The following GPR101 variants were observed in gnomAD, a reference collection of about 807,000 sequenced individuals.
The protein encoded by GPR101 is probable G protein-coupled receptor 101.
A neutral mutation model predicts 16.4 loss-of-function variants in GPR101; 8 were observed. The ratio of observed to expected loss-of-function variants is 0.49; its 90% CI spans 0.29 to 0.88. The LOEUF is 0.88. GPR101 is among the 40% of genes least tolerant of loss of function. The pLI is 0.09. For missense variants in GPR101, 375 were observed against 411.7 expected, an observed-to-expected ratio of 0.91 and a Z score of 0.77; for synonymous variants, 155 against 168.7, an observed-to-expected ratio of 0.92 and a Z score of 0.63.
rs766150309 is a variant in GPR101, at chrX:137,030,636, C to T, written c.1039G>A (p.Asp347Asn). Residue 347 changes from aspartate (D) to asparagine (N), a missense_variant, in exon 2 of 2, where the codon GAC becomes AAC. Asp to Asn is a conservative substitution (Grantham distance 23, BLOSUM62 1). Coordinates refer to ENST00000651716, the MANE Select transcript of GPR101 (RefSeq NM_054021.2). ...GRTEVNQCSIDLGEDDMEFGE... is the reference protein window; with the variant it reads ...GRTEVNQCSINLGEDDMEFGE... ...AACTCCATGTCATCTTCACCCAAGT[C>T]AATGCTGCACTGGTTGACCTCTGTG... The T allele has an allele frequency of 8.3e-7, 1 of 1,209,546 alleles. No individual in the cohort carries two copies. The highest frequency in any genetic ancestry group is 2.2e-5 in the Admixed American group (1 of 45,772).
rs1927179037 is a variant in GPR101, at chrX:137,027,105, A to G, written c.*3043T>C. On this transcript the variant is annotated 3_prime_UTR_variant, in exon 2 of 2. Transcript: ENST00000651716. ...GAGAAGTGGGACCCTAGCATCACAG[A>G]AGTCACAGAAGCCCAGGGCTTGCTC... 9.3e-6 allele frequency among the ~76,000 whole-genome samples: 1 copy of G among 107,513 alleles called. No homozygotes were observed. The highest frequency in any genetic ancestry group is 1.0e-4 in the Admixed American group (1 of 9,725). The allele number at this position is 107,513 out of a possible 115,157, so 93.4% of individuals were successfully genotyped here.
In GPR101 at chrX:137,031,465, G is replaced by A. The variant is rs1214213122; in HGVS notation, c.210C>T (p.Ile70=). Residue 70 remains isoleucine, a synonymous_variant, in exon 2 of 2, where the codon ATC becomes ATT. Coordinates refer to ENST00000651716, the MANE Select transcript of GPR101 (RefSeq NM_054021.2). ...GCAGGTCGGTGACGAGGAGGTTAAA[G>A]ATAAAACGGTTGGTCACCTGCAGCA... ...PQLLQVTNRF[I]FNLLVTDLLQ... 8.4e-7 allele frequency: 1 copy of A among 1,197,586 alleles called. No individual in the cohort carries two copies. The highest frequency in any genetic ancestry group is 3.0e-5 in the East Asian group (1 of 33,748).
chrX:137,032,308 T>C (rs757432950), intron 1 of GPR101, among the ~76,000 whole-genome samples: 1 of 111,316 alleles, frequency 9.0e-6, no homozygotes, highest in Admixed American at 9.5e-5. Context: ...ACTCTGTTTG[T>C]CACTCAGTCT....
In GPR101 at chrX:137,032,535, T is replaced by C. The variant is rs779175483; in HGVS notation, c.-92-769A>G. Among the ~76,000 whole-genome samples, 367 of 110,451 alleles carry C rather than the reference T, an allele frequency of 3.3e-3. 4 individuals are homozygous for C. The highest frequency in any genetic ancestry group is 6.2e-3 in the Admixed American group (65 of 10,436). ...CTCTCCATTTCTCTCTCAGTCTATT[T>C]CCCCAGCAGTTCATCTTTGTGGGTC... On this transcript the variant is annotated intron_variant, in intron 1 of 1. Transcript: ENST00000651716.
In GPR101 at chrX:137,030,839, G is replaced by T. The variant is rs189309457; in HGVS notation, c.836C>A (p.Ala279Asp). 9.9e-6 allele frequency: 12 copies of T among 1,209,430 alleles called. No homozygotes were observed. The African/African-American group carries it at 1.9e-4, about 19-fold the overall frequency. ...CTTGGCCTTCAGGCTGCCGTCCTTG[G>T]CTTCCATTCTGCCCTCCTTGGCCTT... ...EVKAKEGRME[A>D]KDGSLKAKEG... Residue 279 changes from alanine to aspartate, a missense_variant, in exon 2 of 2, where the codon GCC (alanine) becomes GAC (aspartate). Ala to Asp is a moderately radical substitution (Grantham distance 126, BLOSUM62 -2). Coordinates refer to ENST00000651716, the MANE Select transcript of GPR101 (RefSeq NM_054021.2).
In GPR101 at chrX:137,030,622, A is replaced by C. The variant is rs1272925892; in HGVS notation, c.1053T>G (p.Asp351Glu). The change falls in exon 2 of 2, where the codon GAT becomes GAG. Residue 351 changes from aspartate (D) to glutamate (E), a missense_variant. Coordinates refer to ENST00000651716, the MANE Select transcript of GPR101 (RefSeq NM_054021.2). Reference sequence around the variant, plus strand: ...TGTCGTCTTCACCAAACTCCATGTCATCTTCACCCAAGTCAATGCTGCACT... The same window carrying C: ...TGTCGTCTTCACCAAACTCCATGTCCTCTTCACCCAAGTCAATGCTGCACT... ...VNQCSIDLGE[D>E]DMEFGEDDIN... The C allele has an allele frequency of 8.3e-7, 1 of 1,211,304 alleles. No individual in the cohort carries two copies. The highest frequency in any genetic ancestry group is 1.8e-5 in the South Asian group (1 of 56,934).
At chrX:137,033,629 C>A (rs886281684) in intron 1 of GPR101, among the ~76,000 whole-genome samples, 173 bp downstream of exon 1, 2 of 111,743 alleles carry the variant, frequency 1.8e-5, no homozygotes, top group African/African-American at 6.5e-5. Flanking sequence ...AGAGAAAACG[C>A]GAGGGCGGGA....
chrX:137,024,925 T>TACTTG lies in GPR101; in HGVS notation c.*5222_*5223insCAAGT, dbSNP rs1927148172. On this transcript the variant is annotated 3_prime_UTR_variant, in exon 2 of 2. Transcript: ENST00000651716. ...TGGACTCTACTTGCCTATCCTGGAG[T>TACTTG]CCTTCCTTTTTAATGGAGAAGGATG... Among the ~76,000 whole-genome samples the TACTTG allele has an allele frequency of 9.0e-6, 1 of 111,666 alleles. No individual in the cohort carries two copies. The highest frequency in any genetic ancestry group is 1.9e-5 in the Non-Finnish European group (1 of 53,145).
At position 137,024,181 on chromosome X, in the gene GPR101, A is replaced by G. The variant is rs144261137; in HGVS notation, c.*5967T>C. Among the ~76,000 whole-genome samples, 1 of 112,570 alleles carries G rather than the reference A, an allele frequency of 8.9e-6. No individual in the cohort carries two copies. The highest frequency in any genetic ancestry group is 2.8e-4 in the East Asian group (1 of 3,576). On this transcript the variant is annotated 3_prime_UTR_variant, in exon 2 of 2. Coordinates refer to ENST00000651716, the MANE Select transcript of GPR101 (RefSeq NM_054021.2). ...ATGTGAAACCTTGGCCTTGGGCAGA[A>G]TCTCTGGGACTGCTGGCCCATGTAA...
Position 137,029,179 on chromosome X carries a change from C to A in GPR101, c.*969G>T, listed in dbSNP as rs1396054743. Among the ~76,000 whole-genome samples, 1 of 112,329 alleles carries A rather than the reference C, an allele frequency of 8.9e-6. No individual in the cohort carries two copies. The highest frequency in any genetic ancestry group is 1.9e-5 in the Non-Finnish European group (1 of 53,271). On this transcript the variant is annotated 3_prime_UTR_variant, in exon 2 of 2. Coordinates refer to ENST00000651716, the MANE Select transcript of GPR101 (RefSeq NM_054021.2). The stretch of plus-strand genomic sequence containing the variant: ...ACTTAGGCCACTTCTAGTTGAATTT[C>A]TTTTTTTCTGTAAATACTGTTTGAC...
rs1441635108 is a variant in GPR101, at chrX:137,029,517, T to A, written c.*631A>T. Among the ~76,000 whole-genome samples, 1 of 112,419 alleles carries A rather than the reference T, an allele frequency of 8.9e-6. No individual in the cohort carries two copies. ...TTGGACTAGCTTCCCATTTCATACATGTCCTTCTACTTTTCTGGATCCCTT... is the reference window on the plus strand; with the variant it reads ...TTGGACTAGCTTCCCATTTCATACAAGTCCTTCTACTTTTCTGGATCCCTT... On this transcript the variant is annotated 3_prime_UTR_variant, in exon 2 of 2. Coordinates refer to ENST00000651716, the MANE Select transcript of GPR101 (RefSeq NM_054021.2).
Position 137,031,496 on chromosome X carries a change from G to T in GPR101, c.179C>A (p.Pro60Gln). Residue 60 changes from proline to glutamine, a missense_variant, in exon 2 of 2, where the codon CCG becomes CAG. Transcript: ENST00000651716. ...IVLALVLQRK[P>Q]QLLQVTNRFI... is the part of the protein sequence containing the mutation. ...ACGGTTGGTCACCTGCAGCAGCTGCGGCTTGCGCTGCAACACTAGCGCCAG... is the reference window on the plus strand; with the variant it reads ...ACGGTTGGTCACCTGCAGCAGCTGCTGCTTGCGCTGCAACACTAGCGCCAG... 8.3e-7 allele frequency: 1 copy of T among 1,205,155 alleles called. No homozygotes were observed. The highest frequency in any genetic ancestry group is 1.1e-6 in the Non-Finnish European group (1 of 892,445).
Position 137,030,946 on chromosome X carries a change from C to A in GPR101, c.729G>T (p.Glu243Asp). 1 of 1,212,084 alleles carries A rather than the reference C, an allele frequency of 8.3e-7. No homozygotes were observed. The highest frequency in any genetic ancestry group is 1.1e-6 in the Non-Finnish European group (1 of 895,557). The change falls in exon 2 of 2, where the codon GAG becomes GAT. Residue 243 changes from glutamate to aspartate, a missense_variant. By Grantham distance (45) the Glu-to-Asp change is conservative (BLOSUM62 2). Coordinates refer to ENST00000651716, the MANE Select transcript of GPR101 (RefSeq NM_054021.2). ...TCTCTGCTCCCTCTTCATCCTCATT[C>A]TCCACACAGTCCTTGACTCGCACTT... The part of the protein sequence containing the change: ...SLEVRVKDCV[E>D]NEDEEGAEKK...
Position 137,031,321 on chromosome X carries a change from G to A in GPR101, c.354C>T (p.Ser118=). The stretch of plus-strand genomic sequence containing the variant: ...CTGACACCACGACAATGGTGTTGAC[G>A]CTGGCGAAGGCGAACAGGTGGGTGA... ...VSLTHLFAFA[S]VNTIVVVSVD... is the part of the protein sequence containing the mutation. Residue 118 remains serine (S), a synonymous_variant, in exon 2 of 2, where the codon AGC becomes AGT. Transcript: ENST00000651716. 8.3e-7 allele frequency: 1 copy of A among 1,205,226 alleles called. No homozygotes were observed.
Position 137,031,476 on chromosome X carries a change from T to C in GPR101, c.199A>G (p.Asn67Asp). ...QRKPQLLQVT[N>D]RFIFNLLVTD... ...ACGAGGAGGTTAAAGATAAAACGGTTGGTCACCTGCAGCAGCTGCGGCTTG... is the reference window on the plus strand; with the variant it reads ...ACGAGGAGGTTAAAGATAAAACGGTCGGTCACCTGCAGCAGCTGCGGCTTG... Residue 67 changes from asparagine to aspartate, a missense_variant, in exon 2 of 2, where the codon AAC becomes GAC. Transcript: ENST00000651716. The C allele has an allele frequency of 8.3e-7, 1 of 1,199,656 alleles. No individual in the cohort carries two copies. The highest frequency in any genetic ancestry group is 1.1e-6 in the Non-Finnish European group (1 of 889,779).
intron 1 of GPR101, among the ~76,000 whole-genome samples, chrX:137,031,994 G>A (rs1485181466): frequency 1.8e-5 from 2 of 110,983 alleles, no homozygotes; most frequent in Non-Finnish European, 3.8e-5. Flanking sequence ...GCGTGCGTGC[G>A]TGCGCTTTCT....
rs1927141504 is a variant in GPR101 at position 137,024,683 on chromosome X, A to G, written c.*5465T>C. ...TGTGACCCCATAGAGGAGTCCCACT[A>G]CCTCTCTATCTAGTTAGCCATCCAT... On this transcript the variant is annotated 3_prime_UTR_variant, in exon 2 of 2. Transcript: ENST00000651716. Among the ~76,000 whole-genome samples, 1 of 107,935 alleles carries G rather than the reference A, an allele frequency of 9.3e-6. No homozygotes were observed. Among genetic ancestry groups the G allele is most frequent in the South Asian group, 4.1e-4 (1 of 2,457 alleles). The allele number at this position is 107,935 out of a possible 115,157, so 93.7% of individuals were successfully genotyped here. A position where few individuals can be genotyped will look rare whatever the true frequency, so the allele number is the denominator to read the frequency against.
rs764706016 is a variant in GPR101, at chrX:137,030,270, G to C, written c.1405C>G (p.Leu469Val). 1 of 1,209,627 alleles carries C rather than the reference G, an allele frequency of 8.3e-7. No homozygotes were observed. Among genetic ancestry groups the C allele is most frequent in the Non-Finnish European group, 1.1e-6 (1 of 894,986 alleles). The change falls in exon 2 of 2, where the codon CTG (leucine) becomes GTG (valine). Residue 469 changes from leucine to valine, a missense_variant. Coordinates refer to ENST00000651716, the MANE Select transcript of GPR101 (RefSeq NM_054021.2). Reference protein sequence around the residue: ...KTIKKEIQDMLKKFFCKEKPP... With the variant: ...KTIKKEIQDMVKKFFCKEKPP... ...TTTTCCTTGCAGAAGAACTTCTTCA[G>C]CATGTCCTGGATTTCCTTCTTAATG...
Position 137,031,662 on chromosome X carries a change from A to G in GPR101, c.13T>C (p.Cys5Arg). Residue 5 changes from cysteine to arginine, a missense_variant, in exon 2 of 2, where the codon TGC (cysteine) becomes CGC (arginine). Cys to Arg is a radical substitution (Grantham distance 180). Transcript: ENST00000651716. MTST[C>R]TNSTRESNSS... ...TTACTCTCGCGCGTGCTGTTGGTGCAGGTGGACGTCATGGCAACAGCCAGA... is the reference window on the plus strand; with the variant it reads ...TTACTCTCGCGCGTGCTGTTGGTGCGGGTGGACGTCATGGCAACAGCCAGA... 1.7e-6 allele frequency: 2 copies of G among 1,182,167 alleles called. No homozygotes were observed. Among genetic ancestry groups the G allele is most frequent in the Non-Finnish European group, 2.3e-6 (2 of 879,869 alleles).
Sources: allele counts gnomAD v4.1 joint callset (sites outside exome capture counted in the v4.1 genomes callset), GRCh38; gene constraint gnomAD v4.1.1; transcripts MANE v1.5; gene names NCBI Gene and HGNC (gene_info 2026-07-23, HGNC 2026-07-21).